COL4A5: variants seen among roughly 807,000 people sequenced by gnomAD.
The protein encoded by COL4A5 is collagen alpha-5(IV) chain.
In COL4A5, 26 loss-of-function variants were observed where a neutral mutation model predicts 130.2. The ratio of observed to expected loss-of-function variants is 0.20; its 90% CI spans 0.15 to 0.28. The LOEUF (loss-of-function observed/expected upper bound fraction) is 0.28, where lower values mean the gene tolerates loss of function less well. Ranked by LOEUF, COL4A5 falls within the 10% of genes least tolerant of loss-of-function variation. The pLI is 1.00. For missense variants in COL4A5, 1,131 were observed against 1,344.3 expected, an observed-to-expected ratio of 0.84 and a Z score of 2.48; for synonymous variants, 496 against 439.6, an observed-to-expected ratio of 1.13 and a Z score of -1.60.
chrX:108,624,696 T>C (rs1302248643), intron 34 of COL4A5, among the ~76,000 whole-genome samples: 1 of 112,127 alleles, frequency 8.9e-6, no homozygotes, highest in East Asian at 2.8e-4. Context: ...TGTCCTGCTT[T>C]TTTTTCTTTC....
Position 108,440,019 on chromosome X carries a change from C to T in COL4A5, c.-107C>T, listed in dbSNP as rs750684595. The T allele has an allele frequency of 1.7e-6, 1 of 597,577 alleles. No individual in the cohort carries two copies. Among genetic ancestry groups the T allele is most frequent in the African/African-American group, 2.3e-5 (1 of 44,333 alleles). The allele number at this position is 597,577 out of a possible 1,213,427, so 49.2% of individuals were successfully genotyped here. A position where few individuals can be genotyped will look rare whatever the true frequency, so the allele number is the denominator to read the frequency against. ...TCTTCACCCAAGCCTCACTGTCCCTCTCCGGCTCTAGCTCTCTCCATATAA... is the reference window on the plus strand; with the variant it reads ...TCTTCACCCAAGCCTCACTGTCCCTTTCCGGCTCTAGCTCTCTCCATATAA... On this transcript the variant is annotated 5_prime_UTR_variant, in exon 1 of 53. Transcript: ENST00000328300.
chrX:108,453,333 C>T (rs2064547909), intron 1 of COL4A5, among the ~76,000 whole-genome samples: 2 of 111,592 alleles, frequency 1.8e-5, no homozygotes, highest in South Asian at 3.7e-4. Context: ...TTAAGTAAAG[C>T]AATGTATTCC....
chrX:108,601,272 ATT>A, intron 25 of COL4A5, 119 bp from the exon 26 acceptor site: 1 of 502,781 alleles, frequency 2.0e-6, no homozygotes, highest in Non-Finnish European at 3.5e-6. Flanking sequence ...TTTCTTGTGA[ATT>A]TTTGTTAGTT....
intron 3 of COL4A5, among the ~76,000 whole-genome samples, chrX:108,560,245 C>T (rs1263035115): frequency 8.9e-6 from 1 of 111,917 alleles, no homozygotes; most frequent in East Asian, 2.8e-4. Flanking sequence ...ACTTGATCTA[C>T]GTTAGAGAGC....
chrX:108,514,734 A>G (rs984728664), intron 1 of COL4A5, among the ~76,000 whole-genome samples: 3 of 112,324 alleles, frequency 2.7e-5, no homozygotes, highest in African/African-American at 9.7e-5. Flanking sequence ...CTTTCTGGCT[A>G]AAGTATATGT....
At chrX:108,591,509 A>G (rs950825522) in intron 20 of COL4A5, 52 bp from the exon 21 acceptor site, 2 of 1,009,408 alleles carry the variant, frequency 2.0e-6, no homozygotes, top group Non-Finnish European at 2.8e-6. Context: ...CTTTTGTTTA[A>G]TCTTCTGGAT....
chrX:108,605,051 A>G (rs1479363333), intron 28 of COL4A5, among the ~76,000 whole-genome samples: 1 of 112,192 alleles, frequency 8.9e-6, no homozygotes, highest in Non-Finnish European at 1.9e-5. Context: ...TCTCCATATC[A>G]GCAATAGGGC....
At chrX:108,589,382 A>G (rs766676864) in intron 19 of COL4A5, among the ~76,000 whole-genome samples, 1 of 111,184 alleles carries the variant, frequency 9.0e-6, no homozygotes, top group South Asian at 3.7e-4. Flanking sequence ...CAAAATAAAG[A>G]CAAATCTGGG....
intron 36 of COL4A5, among the ~76,000 whole-genome samples, chrX:108,629,131 T>C (rs996991240): frequency 9.0e-6 from 1 of 111,481 alleles, no homozygotes; most frequent in African/African-American, 3.3e-5. Flanking sequence ...CTGACATGTT[T>C]GAGAAACATA....
intron 2 of COL4A5, among the ~76,000 whole-genome samples, chrX:108,556,598 G>T (rs2065825451): frequency 9.0e-6 from 1 of 111,175 alleles, no homozygotes; most frequent in Non-Finnish European, 1.9e-5. Context: ...TTGACCTTTA[G>T]AAATAGCCAT....
chrX:108,569,677 G>GT, intron 6 of COL4A5, among the ~76,000 whole-genome samples: 1 of 109,496 alleles, frequency 9.1e-6, no homozygotes, highest in South Asian at 3.9e-4. Flanking sequence ...GTTTTTGTTT[G>GT]TTTTTTGTTT....
chrX:108,656,140 C>T (rs1156909222), intron 37 of COL4A5, among the ~76,000 whole-genome samples: 1 of 111,501 alleles, frequency 9.0e-6, no homozygotes, highest in Non-Finnish European at 1.9e-5. Context: ...ATAGTTTCTT[C>T]ATCCCACGAA....
chrX:108,577,813 C>T (rs763870067), intron 10 of COL4A5, 139 bp from the exon 11 acceptor site: 15 of 505,733 alleles, frequency 3.0e-5, no homozygotes, highest in Non-Finnish European at 4.9e-5. Flanking sequence ...AAATGTGTGT[C>T]TCTGACTAAA....
intron 36 of COL4A5, among the ~76,000 whole-genome samples, chrX:108,646,206 A>T (rs1354792048): frequency 9.0e-6 from 1 of 111,499 alleles, no homozygotes; most frequent in Non-Finnish European, 1.9e-5. Context: ...ACAGTGTAAA[A>T]GTGTTCGTAT....
chrX:108,583,428 G>A (rs1402260360), intron 17 of COL4A5, among the ~76,000 whole-genome samples: 1 of 111,549 alleles, frequency 9.0e-6, no homozygotes, highest in African/African-American at 3.3e-5. Flanking sequence ...CATTTATTTA[G>A]TTACCTATTT....
rs1440441975 is a variant in COL4A5, at chrX:108,591,659, C to T, written c.1423+15C>T. Reference sequence around the variant, plus strand: ...AGGAGTGAAAGGTTTGATCTCCAAACATATTCATTCCTTCATTTTCTTCAT... The same window carrying T: ...AGGAGTGAAAGGTTTGATCTCCAAATATATTCATTCCTTCATTTTCTTCAT... On this transcript the variant is annotated intron_variant, in intron 21 of 52. Coordinates refer to ENST00000328300, the MANE Select transcript of COL4A5 (RefSeq NM_033380.3). The T allele has an allele frequency of 7.1e-6, 8 of 1,119,784 alleles. No individual in the cohort carries two copies. Among genetic ancestry groups the T allele is most frequent in the Non-Finnish European group, 7.4e-6 (6 of 813,156 alleles). The allele number at this position is 1,119,784 out of a possible 1,213,427, so 92.3% of individuals were successfully genotyped here. A position where few individuals can be genotyped will look rare whatever the true frequency, so the allele number is the denominator to read the frequency against.
rs1428861082 is a variant in COL4A5, at chrX:108,598,115, C to T, written c.1779+547C>T. ...CTGAGGCAGGAGAATCACTTGAACC[C>T]GGGAGGCGGAGGTTGCAGTGAGCCG... On this transcript the variant is annotated intron_variant, in intron 24 of 52. Coordinates refer to ENST00000328300, the MANE Select transcript of COL4A5 (RefSeq NM_033380.3). Among the ~76,000 whole-genome samples, 3 of 110,762 alleles carry T rather than the reference C, an allele frequency of 2.7e-5. No homozygotes were observed. In the East Asian group the frequency reaches 8.5e-4, roughly 31 times the overall value.
chrX:108,584,313 T>C (rs775264833), intron 17 of COL4A5, among the ~76,000 whole-genome samples, 171 bp from the exon 18 acceptor site: 59 of 111,078 alleles, frequency 5.3e-4, no homozygotes, highest in African/African-American at 1.7e-3. Context: ...TGAGACACCA[T>C]CACAGGTTAG....
At chrX:108,545,555 G>A (rs188202648) in intron 2 of COL4A5, among the ~76,000 whole-genome samples, 35 of 111,505 alleles carry the variant, frequency 3.1e-4, no homozygotes, top group Non-Finnish European at 5.5e-4. Flanking sequence ...GAGTAAGTGC[G>A]GTGTGGTGCT....
Sources: allele counts gnomAD v4.1 joint callset (sites outside exome capture counted in the v4.1 genomes callset), GRCh38; gene constraint gnomAD v4.1.1; transcripts MANE v1.5; gene names NCBI Gene and HGNC (gene_info 2026-07-23, HGNC 2026-07-21).